Variants in MYO16 observed in about 807,000 individuals in gnomAD.
MYO16 encodes the protein unconventional myosin-XVI.
Under a neutral mutation model 205.3 loss-of-function variants are expected in MYO16, and 94 were observed. The observed-to-expected ratio is 0.46, with a 90% CI of 0.39 to 0.54. The LOEUF (loss-of-function observed/expected upper bound fraction) is 0.54. Ranked by LOEUF, MYO16 falls within the 20% of genes least tolerant of loss-of-function variation. The probability of loss-of-function intolerance (pLI) is 0.00; values close to 1 mark genes in which losing one functional copy is unlikely to be tolerated. For synonymous variants in MYO16, 988 were observed against 954.0 expected (o/e 1.04, Z -0.66); for missense variants, 2,315 against 2,387.5 (o/e 0.97, Z 0.63).
chr13:108,525,262 T>A, the MYO16 span, among the ~76,000 whole-genome samples: 1 of 152,216 alleles, frequency 6.6e-6, no homozygotes, highest in Non-Finnish European at 1.5e-5. Context: ...GTTTTATGTA[T>A]AGACTAGGAT....
chr13:108,703,019 G>T (rs1403158727), intron 2 of MYO16, among the ~76,000 whole-genome samples: 1 of 152,056 alleles, frequency 6.6e-6, no homozygotes, highest in Non-Finnish European at 1.5e-5. Flanking sequence ...GGGCATAGAA[G>T]AATGAAACAG....
the MYO16 span, among the ~76,000 whole-genome samples, chr13:108,575,512 C>A: frequency 6.6e-6 from 1 of 152,140 alleles, no homozygotes; most frequent in African/African-American, 2.4e-5. Context: ...ATACAACAAG[C>A]TCTCAGTCCC....
At chr13:108,694,189 C>T (rs1162408387) in intron 2 of MYO16, among the ~76,000 whole-genome samples, 1 of 152,164 alleles carries the variant, frequency 6.6e-6, no homozygotes, top group Non-Finnish European at 1.5e-5. Flanking sequence ...TTCTCCCCAA[C>T]CTCACTAGCA....
At chr13:108,625,597 C>T (rs1011431872), upstream of MYO16, among the ~76,000 whole-genome samples, 2 of 152,094 alleles carry the variant, frequency 1.3e-5, no homozygotes, top group African/African-American at 4.8e-5. Context: ...AGCTGTCAGC[C>T]ATTGTGTGTG....
At chr13:108,863,083 G>T (rs527843049) in intron 11 of MYO16, among the ~76,000 whole-genome samples, 1 of 152,178 alleles carries the variant, frequency 6.6e-6, no homozygotes, top group African/African-American at 2.4e-5. Flanking sequence ...ACTTGCTAAA[G>T]TTATATGTCA....
At chr13:108,554,070 C>T in the MYO16 span, among the ~76,000 whole-genome samples, 5 of 152,078 alleles carry the variant, frequency 3.3e-5, no homozygotes, top group Non-Finnish European at 7.4e-5. Flanking sequence ...ATACATAGCA[C>T]CTTGGGTTCT....
chr13:109,119,897 T>C (rs2139759423), intron 28 of MYO16, among the ~76,000 whole-genome samples: 1 of 152,362 alleles, frequency 6.6e-6, no homozygotes, highest in East Asian at 1.9e-4. Flanking sequence ...TAATAATATG[T>C]GGCATAGTGG....
At position 108,873,635 on chromosome 13, in the gene MYO16, CA is replaced by C. The variant is rs1195839895; in HGVS notation, c.1425+7395del. On this transcript the variant is annotated intron_variant, in intron 12 of 34. Coordinates refer to ENST00000457511, the MANE Select transcript of MYO16 (RefSeq NM_001198950.3). The stretch of plus-strand genomic sequence containing the variant: ...CCACCAGGACAGGGTCCAGGCCAAC[CA>C]ACCAGGACAGGGTCCATGCCAACCA... Among the ~76,000 whole-genome samples, 287 of 127,354 alleles carry C rather than the reference CA, an allele frequency of 2.3e-3. 1 individual carries two copies. The highest frequency in any genetic ancestry group is 7.3e-3 in the African/African-American group (257 of 35,290). 83.5% of individuals were successfully genotyped at this position (127,354 alleles called of 152,430 possible). A position where few individuals can be genotyped will look rare whatever the true frequency, so the allele number is the denominator to read the frequency against.
chr13:108,692,206 C>A (rs1357960341), intron 2 of MYO16, among the ~76,000 whole-genome samples: 4 of 152,194 alleles, frequency 2.6e-5, no homozygotes, highest in Admixed American at 2.6e-4. Flanking sequence ...GCTCTTGAGC[C>A]AGCACTTGCT....
At chr13:108,650,664 T>G (rs930197427) in intron 1 of MYO16, among the ~76,000 whole-genome samples, 1 of 152,208 alleles carries the variant, frequency 6.6e-6, no homozygotes, top group African/African-American at 2.4e-5. Context: ...ATAGCCTGTT[T>G]GGGCCAGGAA....
chr13:108,782,848 T>C (rs530724226), intron 4 of MYO16, among the ~76,000 whole-genome samples: 2 of 152,256 alleles, frequency 1.3e-5, no homozygotes, highest in African/African-American at 4.8e-5. Context: ...AGCCTGCAGG[T>C]AGACAGAAGT....
intron 16 of MYO16, among the ~76,000 whole-genome samples, chr13:108,952,662 A>G (rs1051033642): frequency 9.2e-5 from 14 of 152,184 alleles, no homozygotes; most frequent in Admixed American, 2.6e-4. Flanking sequence ...TAGAAACAAC[A>G]GCCAGAATAT....
At chr13:108,938,991 C>T (rs1054525871) in intron 16 of MYO16, among the ~76,000 whole-genome samples, 1 of 152,178 alleles carries the variant, frequency 6.6e-6, no homozygotes, top group Non-Finnish European at 1.5e-5. Context: ...CCCCTCTTGC[C>T]CCAGGCCTGT....
chr13:108,570,303 C>G, the MYO16 span, among the ~76,000 whole-genome samples: 1 of 152,034 alleles, frequency 6.6e-6, no homozygotes, highest in African/African-American at 2.4e-5. Context: ...GGCTGGAGTG[C>G]AGTGGTACAA....
chr13:108,636,571 G>C (rs1024307661), intron 1 of MYO16, among the ~76,000 whole-genome samples: 1 of 151,824 alleles, frequency 6.6e-6, no homozygotes, highest in Admixed American at 6.6e-5. Context: ...GTAGAGACAG[G>C]GTTTCACCAT....
At chr13:108,676,938 G>A (rs1882239583) in intron 2 of MYO16, among the ~76,000 whole-genome samples, 1 of 152,068 alleles carries the variant, frequency 6.6e-6, no homozygotes, top group African/African-American at 2.4e-5. Flanking sequence ...TGAAACACAC[G>A]AAGCCCTTCC....
chr13:108,965,087 C>G (rs1158472593), intron 20 of MYO16, among the ~76,000 whole-genome samples, 185 bp downstream of exon 20: 6 of 152,120 alleles, frequency 3.9e-5, no homozygotes, highest in African/African-American at 9.7e-5. Flanking sequence ...GTGAAACCCT[C>G]TCCCTGGGGT....
intron 4 of MYO16, among the ~76,000 whole-genome samples, chr13:108,769,363 A>G (rs1340250815): frequency 6.6e-6 from 1 of 152,162 alleles, no homozygotes; most frequent in Non-Finnish European, 1.5e-5. Flanking sequence ...CTGTGTGGCC[A>G]GAATGGAGCA....
At chr13:108,559,674 G>A in the MYO16 span, among the ~76,000 whole-genome samples, 2 of 151,138 alleles carry the variant, frequency 1.3e-5, no homozygotes, top group Non-Finnish European at 3.0e-5. Flanking sequence ...GGGGTTTCAC[G>A]TCAGCCCGGA....
Sources: allele counts gnomAD v4.1 joint callset (sites outside exome capture counted in the v4.1 genomes callset), GRCh38; gene constraint gnomAD v4.1.1; transcripts MANE v1.5; gene names NCBI Gene and HGNC (gene_info 2026-07-23, HGNC 2026-07-21).